FBXO16: variants seen among roughly 807,000 people sequenced by gnomAD.
The protein encoded by FBXO16 is F-box only protein 16.
FBXO16 carries 31 observed loss-of-function variants against 41.0 expected under a neutral mutation model. That is an observed-to-expected ratio of 0.76 (90% CI 0.57 to 1.02). The LOEUF is 1.02. FBXO16 is among the 50% of genes least tolerant of loss of function. The pLI is 0.00. For synonymous variants in FBXO16, 133 were observed against 117.8 expected, an observed-to-expected ratio of 1.13 and a Z score of -0.84; for missense variants, 361 against 346.2, an observed-to-expected ratio of 1.04 and a Z score of -0.34.
intron 7 of FBXO16, among the ~76,000 whole-genome samples, chr8:28,442,976 C>A (rs1802804477): frequency 6.6e-6 from 1 of 151,804 alleles, no homozygotes; most frequent in Middle Eastern, 3.2e-3. Flanking sequence ...TGTCAGTGAT[C>A]TGACAGCCAC....
intron 1 of FBXO16, among the ~76,000 whole-genome samples, chr8:28,489,719 A>ACC (rs1563373463): frequency 6.6e-6 from 1 of 150,624 alleles, no homozygotes; most frequent in Non-Finnish European, 1.5e-5. Flanking sequence ...AAACCAACAA[A>ACC]AAAAAAAAAA....
intron 4 of FBXO16, among the ~76,000 whole-genome samples, chr8:28,460,356 CAAT>C: frequency 7.0e-6 from 1 of 142,292 alleles, no homozygotes; most frequent in African/African-American, 2.7e-5. Flanking sequence ...CTTAAGCAAG[CAAT>C]CTTCCTGCCT....
chr8:28,428,507 G>T lies in FBXO16; in HGVS notation c.*220C>A. On this transcript the variant is annotated 3_prime_UTR_variant, in exon 9 of 9. Transcript: ENST00000380254. ...TTCTAATGGGAGCCAAGTAAATTCA[G>T]CTCTCCACTGTGCAAAGCATCTTGT... The T allele has an allele frequency of 6.7e-7, 1 of 1,491,040 alleles. No homozygotes were observed. Among genetic ancestry groups the T allele is most frequent in the Non-Finnish European group, 8.9e-7 (1 of 1,119,994 alleles). 92.4% of individuals were successfully genotyped at this position (1,491,040 alleles called of 1,614,324 possible).
rs182004909 is a variant in FBXO16 at position 28,458,786 on chromosome 8, A to G, written c.343-1856T>C. On this transcript the variant is annotated intron_variant, in intron 4 of 8. Transcript: ENST00000380254. Reference sequence around the variant, plus strand: ...GATCACGTTTTGACCTGAGTACTTAAGTTGTTCTTCTTCCCAAGGCAAATA... The same window carrying G: ...GATCACGTTTTGACCTGAGTACTTAGGTTGTTCTTCTTCCCAAGGCAAATA... 8.6e-5 allele frequency among the ~76,000 whole-genome samples: 13 copies of G among 151,910 alleles called. No homozygotes were observed. In the East Asian group the frequency reaches 2.5e-3, roughly 29 times the overall value.
At chr8:28,461,902 T>C (rs1054820107) in intron 4 of FBXO16, among the ~76,000 whole-genome samples, 3 of 152,098 alleles carry the variant, frequency 2.0e-5, no homozygotes, top group Admixed American at 6.6e-5. Flanking sequence ...AATTTTTTTT[T>C]CCAGAGAGTT....
intron 4 of FBXO16, among the ~76,000 whole-genome samples, chr8:28,457,416 T>C (rs1295614512): frequency 6.6e-6 from 1 of 152,172 alleles, no homozygotes; most frequent in African/African-American, 2.4e-5. Context: ...GATAAAGACA[T>C]ACCTGAGACT....
chr8:28,441,192 C>T (rs539177466), intron 7 of FBXO16, among the ~76,000 whole-genome samples: 2 of 152,216 alleles, frequency 1.3e-5, no homozygotes, highest in African/African-American at 4.8e-5. Context: ...GTTGGCTTCT[C>T]TCCTCCTCTT....
chr8:28,436,231 C>T (rs889778755), intron 7 of FBXO16, among the ~76,000 whole-genome samples: 1 of 152,158 alleles, frequency 6.6e-6, no homozygotes, highest in Non-Finnish European at 1.5e-5. Context: ...GACTTTCCAT[C>T]TAGGAATTCT....
intron 5 of FBXO16, among the ~76,000 whole-genome samples, chr8:28,454,601 G>A (rs945046709): frequency 1.1e-4 from 16 of 151,026 alleles, no homozygotes; most frequent in Admixed American, 4.0e-4. Flanking sequence ...GGTGGCAGGC[G>A]CCTGTAGTCC....
At chr8:28,458,544 C>CTTTTTTTTTTTTTTTTT (rs34617439) in intron 4 of FBXO16, among the ~76,000 whole-genome samples, 2 of 87,566 alleles carry the variant, frequency 2.3e-5, no homozygotes, top group African/African-American at 8.0e-5. Context: ...TCTTCTTCTT[C>CTTTTTTTTTTTTTTTTT]TTTTTTTTTT....
intron 7 of FBXO16, among the ~76,000 whole-genome samples, chr8:28,435,266 G>A (rs1214468769): frequency 6.6e-6 from 1 of 151,388 alleles, no homozygotes; most frequent in Non-Finnish European, 1.5e-5. Flanking sequence ...TGCCTCCCAA[G>A]TTCAAGTGAT....
intron 1 of FBXO16, among the ~76,000 whole-genome samples, chr8:28,487,389 CA>C (rs1803618814): frequency 6.9e-6 from 1 of 144,624 alleles, no homozygotes; most frequent in Admixed American, 7.1e-5. Context: ...ATTAAGAAGA[CA>C]GATTTTTTTT....
chr8:28,480,360 T>C lies in FBXO16; in HGVS notation c.99+2988A>G, dbSNP rs1803491486. 2.0e-5 allele frequency among the ~76,000 whole-genome samples: 3 copies of C among 152,098 alleles called. No homozygotes were observed. In the South Asian group the frequency reaches 6.2e-4, roughly 32 times the overall value. On this transcript the variant is annotated intron_variant, in intron 2 of 8. Transcript: ENST00000380254. The stretch of plus-strand genomic sequence containing the variant: ...ACGGCTTTGCCAAGGGATGAGCCCA[T>C]CTATTGAGTTTAGAGGGGCAGAGGG...
rs562769820 is a variant in FBXO16, at chr8:28,459,286, T to G, written c.343-2356A>C. Among the ~76,000 whole-genome samples, 5 of 152,296 alleles carry G rather than the reference T, an allele frequency of 3.3e-5. No homozygotes were observed. The East Asian group carries it at 7.7e-4, about 23-fold the overall frequency. ...TCTTTATTTTAAATATTATAGTATC[T>G]CTGTTCTTCCAAAACATGTTTACTA... On this transcript the variant is annotated intron_variant, in intron 4 of 8. Transcript: ENST00000380254.
At chr8:28,452,858 T>C (rs139855119) in intron 5 of FBXO16, among the ~76,000 whole-genome samples, 92 of 151,144 alleles carry the variant, frequency 6.1e-4, no homozygotes, top group African/African-American at 2.2e-3. Flanking sequence ...ATAATAATAA[T>C]AACAACAACA....
At chr8:28,484,442 C>T (rs1803568052) in intron 1 of FBXO16, among the ~76,000 whole-genome samples, 1 of 152,158 alleles carries the variant, frequency 6.6e-6, no homozygotes, top group South Asian at 2.1e-4. Flanking sequence ...CTTTAATTTT[C>T]AGGAGGAATT....
chr8:28,460,225 G>GTGTA lies in FBXO16; in HGVS notation c.343-3296_343-3295insTACA, dbSNP rs1554526791. The stretch of plus-strand genomic sequence containing the variant: ...TACAGTAACAAATATATATGTGTGT[G>GTGTA]TATATATATATATATATATATTTTT... On this transcript the variant is annotated intron_variant, in intron 4 of 8. Transcript: ENST00000380254. 2.6e-3 allele frequency among the ~76,000 whole-genome samples: 196 copies of GTGTA among 75,210 alleles called. 2 individuals carry two copies. Among genetic ancestry groups the GTGTA allele is most frequent in the African/African-American group, 0.012 (167 of 14,194 alleles). 49.3% of individuals were successfully genotyped at this position (75,210 alleles called of 152,430 possible).
At chr8:28,460,245 A>ATATATTT (rs1477457728) in intron 4 of FBXO16, among the ~76,000 whole-genome samples, 8 of 85,440 alleles carry the variant, frequency 9.4e-5, no homozygotes, top group African/African-American at 3.2e-4. Flanking sequence ...ATATATATAT[A>ATATATTT]TTTTTTTTTT....
At chr8:28,476,465 T>C (rs1803424992) in intron 2 of FBXO16, among the ~76,000 whole-genome samples, 1 of 152,240 alleles carries the variant, frequency 6.6e-6, no homozygotes. Flanking sequence ...TATAGTCTTA[T>C]ACACCCTGGT....
Sources: gnomAD v4.1 joint callset for allele counts (sites outside exome capture counted in the v4.1 genomes callset) on GRCh38, gnomAD v4.1.1 for gene constraint, MANE v1.5 for transcripts, NCBI Gene and HGNC (gene_info 2026-07-23, HGNC 2026-07-21) for gene names.